SOX5: variants seen among roughly 807,000 people sequenced by gnomAD.
SOX5 encodes the protein SRY-box transcription factor 5, also known as transcription factor SOX-5.
Under a neutral mutation model 92.0 loss-of-function variants are expected in SOX5, and 9 were observed. That is an observed-to-expected ratio of 0.10 (90% CI 0.06 to 0.17). SOX5 has a LOEUF of 0.17. SOX5 is among the 10% of genes least tolerant of loss of function. The probability of loss-of-function intolerance (pLI) is 1.00; values close to 1 mark genes in which losing one functional copy is unlikely to be tolerated. For synonymous variants in SOX5, 344 were observed against 336.3 expected (o/e 1.02, Z -0.25); for missense variants, 642 against 944.5 (o/e 0.68, Z 4.20).
At chr12:24,349,649 G>A (rs1452399756) in intron 2 of SOX5, among the ~76,000 whole-genome samples, 5 of 152,146 alleles carry the variant, frequency 3.3e-5, no homozygotes, top group Non-Finnish European at 7.4e-5. Context: ...TCTGTTGTAT[G>A]TACATAACAC....
chr12:24,190,918 A>G (rs1594101595), intron 4 of SOX5, among the ~76,000 whole-genome samples: 1 of 152,372 alleles, frequency 6.6e-6, no homozygotes, highest in South Asian at 2.1e-4. Context: ...CAAATAAGAC[A>G]GGAAATAACC....
chr12:24,076,916 T>A (rs1942693351), intron 4 of SOX5, among the ~76,000 whole-genome samples: 1 of 152,152 alleles, frequency 6.6e-6, no homozygotes. Context: ...TCCTTTACAG[T>A]ATTCCTTAAG....
At chr12:24,384,048 G>A (rs1052026785) in intron 1 of SOX5, among the ~76,000 whole-genome samples, 1 of 152,172 alleles carries the variant, frequency 6.6e-6, no homozygotes, top group African/African-American at 2.4e-5. Flanking sequence ...GTGCTGCCAT[G>A]TAAGATGTGC....
At position 24,467,387 on chromosome 12, in the gene SOX5, C is replaced by T. The variant is rs575302085; in HGVS notation, c.-251+94942G>A. The stretch of plus-strand genomic sequence containing the variant: ...CACGTTACAATGGAGCTACACACAG[C>T]GTGCAATGGGAAATGACTTCCTGGA... On this transcript the variant is annotated intron_variant, in intron 1 of 4. Transcript: ENST00000446891. 1.4e-4 allele frequency among the ~76,000 whole-genome samples: 22 copies of T among 152,220 alleles called. No individual in the cohort carries two copies. In the East Asian group the frequency reaches 3.5e-3, roughly 24 times the overall value.
chr12:23,627,450 C>A (rs541044507), intron 8 of SOX5, among the ~76,000 whole-genome samples: 10 of 152,212 alleles, frequency 6.6e-5, no homozygotes, highest in African/African-American at 1.9e-4. Flanking sequence ...AATATAATTT[C>A]TGCATCCAAG....
rs76235813 is a variant in SOX5, at chr12:23,694,830, G to A, written c.811-29266C>T. Among the ~76,000 whole-genome samples, 912 of 152,186 alleles carry A rather than the reference G, an allele frequency of 6.0e-3. 16 individuals carry two copies. Among genetic ancestry groups the A allele is most frequent in the African/African-American group, 0.021 (872 of 41,540 alleles). ...TCACTTTGTATAATGCTTTTGAGAT[G>A]CACTCATACCAGGCACAGTGGCTCA... On this transcript the variant is annotated intron_variant, in intron 6 of 14. Coordinates refer to ENST00000451604, the MANE Select transcript of SOX5 (RefSeq NM_006940.6).
chr12:24,496,016 A>AT, intron 1 of SOX5, among the ~76,000 whole-genome samples: 1 of 152,200 alleles, frequency 6.6e-6, no homozygotes, highest in Non-Finnish European at 1.5e-5. Context: ...ATTCAGTTGA[A>AT]TGTGCCACAG....
At chr12:23,735,057 C>T (rs544728413) in intron 5 of SOX5, among the ~76,000 whole-genome samples, 21 of 152,216 alleles carry the variant, frequency 1.4e-4, no homozygotes, top group Admixed American at 3.3e-4. Context: ...ATTAAGAAGG[C>T]GCTGCTTCTG....
intron 1 of SOX5, among the ~76,000 whole-genome samples, chr12:24,508,365 G>A (rs1043947241): frequency 1.3e-5 from 2 of 152,042 alleles, no homozygotes; most frequent in African/African-American, 2.4e-5. Flanking sequence ...TCACTGGAAG[G>A]GAAAGAAAGA....
chr12:23,575,494 A>G (rs958914038), intron 10 of SOX5, among the ~76,000 whole-genome samples, 167 bp downstream of exon 10: 3 of 152,242 alleles, frequency 2.0e-5, no homozygotes, highest in Admixed American at 1.3e-4. Flanking sequence ...GACTTTAGTG[A>G]GAAATTTCAT....
intron 3 of SOX5, among the ~76,000 whole-genome samples, chr12:23,838,732 T>C (rs1368063491): frequency 6.6e-6 from 1 of 151,966 alleles, no homozygotes. Flanking sequence ...TGACGTTTCT[T>C]TGTGTCTACA....
At chr12:23,974,237 A>G (rs933585265) in intron 4 of SOX5, among the ~76,000 whole-genome samples, 2 of 152,206 alleles carry the variant, frequency 1.3e-5, no homozygotes, top group African/African-American at 4.8e-5. Context: ...GAGGGACTAC[A>G]GTTACTATGT....
At chr12:23,722,590 GCT>G (rs1441240690) in intron 6 of SOX5, among the ~76,000 whole-genome samples, 1 of 152,146 alleles carries the variant, frequency 6.6e-6, no homozygotes, top group Non-Finnish European at 1.5e-5. Flanking sequence ...TAACAACAAT[GCT>G]CTTTCTTTCA....
intron 4 of SOX5, among the ~76,000 whole-genome samples, chr12:24,106,596 G>A (rs1379218566): frequency 6.6e-6 from 1 of 151,928 alleles, no homozygotes; most frequent in East Asian, 1.9e-4. Context: ...TTCGAGACCA[G>A]CCTGGCTAAC....
intron 6 of SOX5, among the ~76,000 whole-genome samples, chr12:23,715,948 G>A (rs1290560591): frequency 6.6e-6 from 1 of 151,832 alleles, no homozygotes; most frequent in East Asian, 1.9e-4. Context: ...TTTGGGCTCA[G>A]ATTAAATATT....
chr12:23,970,842 T>A (rs867713936), intron 4 of SOX5, among the ~76,000 whole-genome samples: 1,465 of 5,958 alleles, frequency 0.25, 337 homozygotes, highest in Middle Eastern at 0.75. Context: ...ATATATATAA[T>A]TTTTTTTTTT....
chr12:23,811,691 A>G (rs2095877735), intron 3 of SOX5, among the ~76,000 whole-genome samples: 1 of 152,152 alleles, frequency 6.6e-6, no homozygotes, highest in African/African-American at 2.4e-5. Flanking sequence ...AAAGTGGCAT[A>G]TATTTAAAGA....
intron 4 of SOX5, among the ~76,000 whole-genome samples, chr12:24,084,458 T>G (rs1469951018): frequency 6.6e-6 from 1 of 152,102 alleles, no homozygotes; most frequent in African/African-American, 2.4e-5. Flanking sequence ...AGATTCCTGA[T>G]TCTTTATTTT....
At chr12:24,106,075 T>C (rs901736483) in intron 4 of SOX5, among the ~76,000 whole-genome samples, 1 of 152,072 alleles carries the variant, frequency 6.6e-6, no homozygotes, top group Non-Finnish European at 1.5e-5. Flanking sequence ...ATAGGTTGGA[T>C]TTTATATAAA....
Sources: gnomAD v4.1 joint callset for allele counts (sites outside exome capture counted in the v4.1 genomes callset) on GRCh38, gnomAD v4.1.1 for gene constraint, MANE v1.5 for transcripts, NCBI Gene and HGNC (gene_info 2026-07-23, HGNC 2026-07-21) for gene names.